KAZN: variants seen among roughly 807,000 people sequenced by gnomAD.
The protein encoded by KAZN is kazrin.
In KAZN, 40 loss-of-function variants were observed where a neutral mutation model predicts 87.4. That is an observed-to-expected ratio of 0.46 (90% CI 0.36 to 0.60). KAZN has a LOEUF of 0.60. Ranked by LOEUF, KAZN falls within the 20% of genes least tolerant of loss-of-function variation. The probability of loss-of-function intolerance (pLI) is 0.00; values close to 1 mark genes in which losing one functional copy is unlikely to be tolerated. For missense variants in KAZN, 898 were observed against 1,073.9 expected, an observed-to-expected ratio of 0.84 and a Z score of 2.29; for synonymous variants, 466 against 458.3, an observed-to-expected ratio of 1.02 and a Z score of -0.22.
intron 2 of KAZN, among the ~76,000 whole-genome samples, chr1:14,965,665 T>A (rs1664379959): frequency 6.6e-6 from 1 of 152,224 alleles, no homozygotes; most frequent in Admixed American, 6.5e-5. Context: ...TTGTTTCCAC[T>A]TTTTTTCTCT....
chr1:14,971,679 T>C, intron 2 of KAZN, among the ~76,000 whole-genome samples: 1 of 144,248 alleles, frequency 6.9e-6, no homozygotes, highest in South Asian at 2.2e-4. Flanking sequence ...TTTTTTCTTT[T>C]TCTTTTTTTT....
intron 2 of KAZN, among the ~76,000 whole-genome samples, chr1:14,421,263 G>T (rs1364530346): frequency 5.3e-5 from 8 of 152,192 alleles, no homozygotes; most frequent in South Asian, 2.1e-4. Flanking sequence ...TGGGGGGAAT[G>T]GTTCTTGAAT....
Position 14,599,579 on chromosome 1 carries a change from C to T in KAZN, c.226+356C>T, listed in dbSNP as rs944901186. ...ATGCCGGGGCCTTTTCCCCACCCCC[C>T]GCAGGGGTGAATGGCACAGTTCCCC... On this transcript the variant is annotated intron_variant, in intron 1 of 14. Coordinates refer to ENST00000376030, the MANE Select transcript of KAZN (RefSeq NM_201628.3). This position sits in a 1 kb window ranked among gnomAD's most constrained non-coding sequence, Gnocchi z 4.4. 6.6e-6 allele frequency among the ~76,000 whole-genome samples: 1 copy of T among 152,188 alleles called. No homozygotes were observed. The highest frequency in any genetic ancestry group is 2.4e-5 in the African/African-American group (1 of 41,460).
Position 14,728,289 on chromosome 1 carries a change from TA to T in KAZN, c.226+129091del, listed in dbSNP as rs55745144. On this transcript the variant is annotated intron_variant, in intron 1 of 14. Coordinates refer to ENST00000376030, the MANE Select transcript of KAZN (RefSeq NM_201628.3). Reference sequence around the variant, plus strand: ...CAGCAAGAGTGAAACACCGTATATATAAAAAAAAAAAAAAAAAAAAAAAAAG... The same window carrying T: ...CAGCAAGAGTGAAACACCGTATATATAAAAAAAAAAAAAAAAAAAAAAAAG... Among the ~76,000 whole-genome samples, 262 of 29,836 alleles carry T rather than the reference TA, an allele frequency of 8.8e-3. 1 individual carries two copies. The highest frequency in any genetic ancestry group is 0.022 in the Middle Eastern group (1 of 46). The allele number at this position is 29,836 out of a possible 152,430, so 19.6% of individuals were successfully genotyped here.
chr1:13,935,005 G>A (rs1348662025), intron 1 of KAZN, among the ~76,000 whole-genome samples: 1 of 151,968 alleles, frequency 6.6e-6, no homozygotes, highest in Non-Finnish European at 1.5e-5. Context: ...GAGAGGTCGA[G>A]GCAGGTGGAT....
At chr1:13,899,533 G>T (rs1380461245) in intron 1 of KAZN, among the ~76,000 whole-genome samples, 1 of 152,094 alleles carries the variant, frequency 6.6e-6, no homozygotes, top group African/African-American at 2.4e-5. Flanking sequence ...TAACACTGGG[G>T]TGACAGTCAC....
intron 2 of KAZN, among the ~76,000 whole-genome samples, chr1:15,001,595 A>AG (rs1668480278): frequency 6.6e-6 from 1 of 152,138 alleles, no homozygotes; most frequent in African/African-American, 2.4e-5. Flanking sequence ...CTTTCCACAG[A>AG]GCCTGGCACA....
chr1:14,777,511 C>G (rs1410608430), intron 1 of KAZN, among the ~76,000 whole-genome samples: 2 of 152,140 alleles, frequency 1.3e-5, no homozygotes, highest in South Asian at 4.1e-4. Context: ...CATGCGACCC[C>G]CACAGGGCCC....
chr1:14,862,443 C>T (rs959105015), intron 1 of KAZN, among the ~76,000 whole-genome samples: 1 of 152,132 alleles, frequency 6.6e-6, no homozygotes, highest in Non-Finnish European at 1.5e-5. Context: ...AATTGAGCTC[C>T]TGTTCCAATC....
At chr1:14,876,954 AGGT>A (rs1369074162) in intron 1 of KAZN, among the ~76,000 whole-genome samples, 1 of 152,220 alleles carries the variant, frequency 6.6e-6, no homozygotes, top group African/African-American at 2.4e-5. Context: ...TTTGAGTTTC[AGGT>A]GACAGAAATT....
chr1:14,628,382 G>A (rs1407778656), intron 1 of KAZN, among the ~76,000 whole-genome samples: 5 of 152,138 alleles, frequency 3.3e-5, no homozygotes, highest in Non-Finnish European at 4.4e-5. Context: ...CTGTAAATTA[G>A]GCCTTGTTTA....
rs1557784946 is a variant in KAZN at position 15,081,556 on chromosome 1, G to A, written c.1223-12624G>A. ...TGCAGGAAAGGTTCCAGGAATTAAT[G>A]ACAGCGTGTGTGTGTGTGTGTGTGA... On this transcript the variant is annotated intron_variant, in intron 8 of 14. Coordinates refer to ENST00000376030, the MANE Select transcript of KAZN (RefSeq NM_201628.3). This position sits in a 1 kb window ranked among gnomAD's most constrained non-coding sequence, Gnocchi z 4.1. Among the ~76,000 whole-genome samples the A allele has an allele frequency of 6.7e-6, 1 of 148,968 alleles. No individual in the cohort carries two copies. Among genetic ancestry groups the A allele is most frequent in the Non-Finnish European group, 1.5e-5 (1 of 67,618 alleles).
intron 2 of KAZN, among the ~76,000 whole-genome samples, chr1:14,532,476 ATTATTATTATAC>A (rs1672260017): frequency 6.6e-6 from 1 of 151,174 alleles, no homozygotes; most frequent in South Asian, 2.1e-4. Flanking sequence ...TATTATTATT[ATTATTATTATAC>A]TTTAAGTTTT....
intron 1 of KAZN, among the ~76,000 whole-genome samples, chr1:13,998,612 T>TAA (rs35049867): frequency 0.16 from 21,146 of 131,260 alleles, 1,578 homozygotes; most frequent in Middle Eastern, 0.25. Flanking sequence ...CCAAGAAAGA[T>TAA]AAAAAAAAAA....
intron 1 of KAZN, among the ~76,000 whole-genome samples, chr1:14,609,634 A>G (rs1202766048): frequency 6.6e-6 from 1 of 152,118 alleles, no homozygotes; most frequent in Non-Finnish European, 1.5e-5. Context: ...TCCTGCATTT[A>G]TTCACTCTTC....
At chr1:13,937,861 T>C (rs1414104842) in intron 1 of KAZN, among the ~76,000 whole-genome samples, 2 of 152,224 alleles carry the variant, frequency 1.3e-5, no homozygotes, top group Admixed American at 6.5e-5. Flanking sequence ...TTCTGGGTTC[T>C]CTATTCTGTT....
chr1:15,069,856 G>T (rs1209275693), intron 8 of KAZN, among the ~76,000 whole-genome samples: 1 of 152,154 alleles, frequency 6.6e-6, no homozygotes, highest in Non-Finnish European at 1.5e-5. Flanking sequence ...TCAGTGGCCC[G>T]TCTGTGTGCT....
chr1:14,495,660 T>G (rs1278156702), intron 2 of KAZN, among the ~76,000 whole-genome samples: 1 of 152,138 alleles, frequency 6.6e-6, no homozygotes, highest in Non-Finnish European at 1.5e-5. Flanking sequence ...AGTCTCTGGG[T>G]CTCTCCAACT....
intron 1 of KAZN, among the ~76,000 whole-genome samples, chr1:13,941,306 C>A (rs184263876): frequency 6.6e-6 from 1 of 152,376 alleles, no homozygotes; most frequent in Admixed American, 6.5e-5. Flanking sequence ...CTCACACACT[C>A]TTTCAAACAG....
Sources: allele counts gnomAD v4.1 joint callset (sites outside exome capture counted in the v4.1 genomes callset), GRCh38; gene constraint gnomAD v4.1.1; non-coding constraint Gnocchi (gnomAD v3.1); transcripts MANE v1.5; gene names NCBI Gene and HGNC (gene_info 2026-07-23, HGNC 2026-07-21).